Variants in LCOR observed in about 807,000 individuals in gnomAD.
LCOR encodes the protein ligand dependent nuclear receptor corepressor.
In LCOR, 14 loss-of-function variants were observed where a neutral mutation model predicts 64.4. That is an observed-to-expected ratio of 0.22 (90% CI 0.14 to 0.34). The LOEUF is 0.34. Ranked by LOEUF, LCOR falls within the 10% of genes least tolerant of loss-of-function variation. The probability of loss-of-function intolerance (pLI) is 1.00; values close to 1 mark genes in which losing one functional copy is unlikely to be tolerated. For synonymous variants in LCOR, 643 were observed against 642.5 expected (o/e 1.00, Z -0.01); for missense variants, 1,686 against 1,765.3 (o/e 0.96, Z 0.80).
At chr10:96,953,797 T>G (rs1847721194) in intron 7 of LCOR, among the ~76,000 whole-genome samples, 1 of 152,208 alleles carries the variant, frequency 6.6e-6, no homozygotes, top group Non-Finnish European at 1.5e-5. Context: ...AGTTGAATAT[T>G]CAGTGTTATC....
At position 96,949,147 on chromosome 10, in the gene LCOR, C is replaced by A. The variant is rs1359618899; in HGVS notation, c.90C>A (p.Asn30Lys). 2 of 1,613,940 alleles carry A rather than the reference C, an allele frequency of 1.2e-6. No homozygotes were observed. The highest frequency in any genetic ancestry group is 1.7e-6 in the Non-Finnish European group (2 of 1,180,024). ...CCAGCCAGCCCAATAGCACAAAGAA[C>A]CAAAGCCTGCCGAAAGCATCTCCAG... is the stretch of plus-strand genomic sequence containing the variant. ...QDPSQPNSTKNQSLPKASPVT... is the reference protein window; with the variant it reads ...QDPSQPNSTKKQSLPKASPVT... Residue 30 changes from asparagine (N) to lysine (K), a missense_variant, in exon 6 of 8, where the codon AAC (asparagine) becomes AAA (lysine). Around this residue, in one of 3 missense-constraint regions of LCOR, gnomAD observed 80 missense variants for 107.7 expected, o/e 0.74. Coordinates refer to ENST00000421806, the MANE Select transcript of LCOR (RefSeq NM_001346516.2).
At chr10:96,935,671 A>G (rs180809489) in intron 4 of LCOR, among the ~76,000 whole-genome samples, 47 of 152,232 alleles carry the variant, frequency 3.1e-4, no homozygotes, top group Admixed American at 1.8e-3. Flanking sequence ...CTTCTCTACA[A>G]AATATTTTAA....
At chr10:96,958,021 G>T (rs1847813081) in intron 7 of LCOR, 1 of 1,006,636 alleles carries the variant, frequency 9.9e-7, no homozygotes. Context: ...GGAAATCATA[G>T]AAAGTTTGCT....
intron 2 of LCOR, among the ~76,000 whole-genome samples, chr10:96,867,048 G>A (rs1292859011): frequency 1.3e-5 from 2 of 151,744 alleles, no homozygotes; most frequent in Non-Finnish European, 2.9e-5. Context: ...GTGCAGTGGC[G>A]CAATCTCGGC....
intron 2 of LCOR, among the ~76,000 whole-genome samples, chr10:96,906,750 T>C (rs979590000): frequency 6.6e-6 from 1 of 152,206 alleles, no homozygotes; most frequent in African/African-American, 2.4e-5. Context: ...AAAAGTCTTT[T>C]AAAAGTCTTG....
At chr10:96,859,084 A>G (rs1458769598) in intron 2 of LCOR, among the ~76,000 whole-genome samples, 1 of 152,140 alleles carries the variant, frequency 6.6e-6, no homozygotes, top group Non-Finnish European at 1.5e-5. Flanking sequence ...GGGTTTATGA[A>G]CTCGGAAGTT....
At chr10:96,842,745 C>A (rs1030752473) in intron 2 of LCOR, among the ~76,000 whole-genome samples, 8 of 151,502 alleles carry the variant, frequency 5.3e-5, no homozygotes, top group Non-Finnish European at 1.5e-5. Context: ...ATTCTTCTGC[C>A]TCAGCCTTCC....
At chr10:96,940,471 A>G (rs1847435471) in intron 4 of LCOR, among the ~76,000 whole-genome samples, 2 of 121,892 alleles carry the variant, frequency 1.6e-5, no homozygotes, top group Non-Finnish European at 3.4e-5. Context: ...GGCCTTCCGC[A>G]GTGTTTGTGT....
chr10:96,862,702 C>T (rs1184172166), intron 2 of LCOR, among the ~76,000 whole-genome samples: 1 of 152,144 alleles, frequency 6.6e-6, no homozygotes, highest in Non-Finnish European at 1.5e-5. Context: ...GTGGCCAGCT[C>T]CTATCCTCAA....
chr10:96,885,046 T>C (rs562792688), intron 2 of LCOR, among the ~76,000 whole-genome samples: 11 of 152,236 alleles, frequency 7.2e-5, no homozygotes, highest in Non-Finnish European at 1.6e-4. Flanking sequence ...CTTCACATAC[T>C]TCTCTGAATA....
At chr10:96,958,166 A>G in intron 7 of LCOR, 1 of 1,269,574 alleles carries the variant, frequency 7.9e-7, no homozygotes. Context: ...GGATTGCTAC[A>G]AAAAGGTCCT....
chr10:96,841,896 G>A (rs756289317), intron 2 of LCOR, among the ~76,000 whole-genome samples: 7 of 149,702 alleles, frequency 4.7e-5, no homozygotes, highest in African/African-American at 9.8e-5. Context: ...CACTCCACCC[G>A]GCCAGAGCAT....
At chr10:96,915,044 G>A (rs1008207731) in intron 4 of LCOR, among the ~76,000 whole-genome samples, 3 of 152,166 alleles carry the variant, frequency 2.0e-5, no homozygotes, top group African/African-American at 4.8e-5. Context: ...TGGTGCCCAC[G>A]TGTATCAAAG....
intron 2 of LCOR, among the ~76,000 whole-genome samples, chr10:96,864,865 G>A (rs7068686): frequency 6.6e-6 from 1 of 152,146 alleles, no homozygotes; most frequent in Admixed American, 6.5e-5. Flanking sequence ...GTTTGTGTAA[G>A]TACACCCTAT....
intron 2 of LCOR, among the ~76,000 whole-genome samples, chr10:96,865,887 AAAAAAAGG>A (rs1845963325): frequency 6.6e-6 from 1 of 151,812 alleles, no homozygotes; most frequent in Admixed American, 6.6e-5. Flanking sequence ...AAAAAAAAAA[AAAAAAAGG>A]AAAAAGAAAT....
In LCOR at chr10:96,949,914, CTAAT is replaced by C. The variant is rs769501471; in HGVS notation, c.238+623_238+626del. Among the ~76,000 whole-genome samples the C allele has an allele frequency of 9.2e-5, 14 of 152,324 alleles. No homozygotes were observed. In the East Asian group the frequency reaches 1.5e-3, roughly 17 times the overall value. On this transcript the variant is annotated intron_variant, in intron 6 of 7. Coordinates refer to ENST00000421806, the MANE Select transcript of LCOR (RefSeq NM_001346516.2). ...AAAAGGGAATTTGTTGATGAGGACACTAATTAAGTGATGAAGTTAAGAGGTTATT... is the reference window on the plus strand; with the variant it reads ...AAAAGGGAATTTGTTGATGAGGACACTAAGTGATGAAGTTAAGAGGTTATT...
intron 2 of LCOR, among the ~76,000 whole-genome samples, chr10:96,883,382 C>G (rs1415038245): frequency 6.6e-6 from 1 of 152,170 alleles, no homozygotes; most frequent in Non-Finnish European, 1.5e-5. Flanking sequence ...GAGTAATTAC[C>G]AAGAAGTGCA....
chr10:96,984,259 C>G lies in LCOR; in HGVS notation c.3799C>G (p.Gln1267Glu). 1 of 1,614,138 alleles carries G rather than the reference C, an allele frequency of 6.2e-7. No homozygotes were observed. Among genetic ancestry groups the G allele is most frequent in the South Asian group, 1.1e-5 (1 of 91,076 alleles). Residue 1267 changes from glutamine (Q) to glutamate (E), a missense_variant, in exon 8 of 8, where the codon CAA (glutamine) becomes GAA (glutamate). Physicochemically the swap from Gln to Glu is conservative, Grantham distance 29 (BLOSUM62 2). This residue lies in a region of LCOR where 1,293 missense variants were observed against 1,410.4 expected (regional missense o/e 0.92). Coordinates refer to ENST00000421806, the MANE Select transcript of LCOR (RefSeq NM_001346516.2). ...GGCCAAATTTCGAGAGAATCCTGAT[C>G]AAGTGGAGCCAGAAGATGGCAGTGA... is the stretch of plus-strand genomic sequence containing the variant. ...LWAKFRENPD[Q>E]VEPEDGSDVS...
At chr10:96,903,570 A>T (rs1846679579) in intron 2 of LCOR, among the ~76,000 whole-genome samples, 1 of 152,008 alleles carries the variant, frequency 6.6e-6, no homozygotes, top group South Asian at 2.1e-4. Context: ...ATCTCAGAGG[A>T]GAGGTTCCCA....
Sources: allele counts gnomAD v4.1 joint callset (sites outside exome capture counted in the v4.1 genomes callset), GRCh38; gene constraint gnomAD v4.1.1; regional missense constraint gnomAD v4.1.1; transcripts MANE v1.5; gene names NCBI Gene and HGNC (gene_info 2026-07-23, HGNC 2026-07-21).